The following GRID2 variants were observed in gnomAD, a reference collection of about 807,000 sequenced individuals.
GRID2 encodes the protein glutamate receptor ionotropic, delta-2.
In GRID2, 33 loss-of-function variants were observed where a neutral mutation model predicts 114.8. The ratio of observed to expected loss-of-function variants is 0.29; its 90% CI spans 0.22 to 0.38. The LOEUF is 0.38. Among genes scored for constraint, GRID2 ranks in the 10% least tolerant of loss-of-function variants. The pLI is 1.00. For missense variants in GRID2, 1,184 were observed against 1,257.7 expected (o/e 0.94, Z 0.89); for synonymous variants, 505 against 449.9 (o/e 1.12, Z -1.55).
At chr4:93,608,452 C>A (rs947872028) in intron 13 of GRID2, among the ~76,000 whole-genome samples, 6 of 143,416 alleles carry the variant, frequency 4.2e-5, no homozygotes, top group Non-Finnish European at 7.7e-5. Flanking sequence ...CCAATGCTAT[C>A]CCTCCTCCCT....
At chr4:92,988,459 G>A (rs191520761) in intron 2 of GRID2, among the ~76,000 whole-genome samples, 1 of 152,254 alleles carries the variant, frequency 6.6e-6, no homozygotes, top group Non-Finnish European at 1.5e-5. Flanking sequence ...GACTCTTCTT[G>A]TAATCTAATC....
intron 9 of GRID2, among the ~76,000 whole-genome samples, chr4:93,417,456 CATTA>C (rs1218360651): frequency 1.3e-5 from 2 of 151,910 alleles, no homozygotes; most frequent in Admixed American, 6.6e-5. Context: ...AAGCATGAAA[CATTA>C]ATTAATAAGT....
At chr4:93,717,601 T>C (rs1203823812) in intron 14 of GRID2, among the ~76,000 whole-genome samples, 1 of 152,196 alleles carries the variant, frequency 6.6e-6, no homozygotes, top group African/African-American at 2.4e-5. Flanking sequence ...ACAGATGTTT[T>C]CTTTTTTGTG....
intron 14 of GRID2, among the ~76,000 whole-genome samples, chr4:93,682,711 C>T (rs1725687239): frequency 1.4e-5 from 2 of 144,952 alleles, no homozygotes; most frequent in Non-Finnish European, 3.0e-5. Flanking sequence ...TGTTCTCACT[C>T]ATAGATGGGA....
At chr4:93,680,230 A>G (rs1725376084) in intron 14 of GRID2, among the ~76,000 whole-genome samples, 1 of 152,192 alleles carries the variant, frequency 6.6e-6, no homozygotes, top group African/African-American at 2.4e-5. Flanking sequence ...TAAACCAGGA[A>G]GAAGTTGAAT....
At chr4:93,584,379 T>C (rs1327759727) in intron 13 of GRID2, among the ~76,000 whole-genome samples, 1 of 152,100 alleles carries the variant, frequency 6.6e-6, no homozygotes, top group Non-Finnish European at 1.5e-5. Flanking sequence ...GTTGACAGAA[T>C]CAGTAAATAC....
intron 2 of GRID2, among the ~76,000 whole-genome samples, chr4:92,629,054 AG>A (rs1322490764): frequency 6.6e-6 from 1 of 151,910 alleles, no homozygotes; most frequent in Admixed American, 6.6e-5. Context: ...TCATAATCCC[AG>A]GGCTCACTAG....
chr4:92,986,530 AC>A (rs1456831062), intron 2 of GRID2, among the ~76,000 whole-genome samples: 1 of 152,086 alleles, frequency 6.6e-6, no homozygotes, highest in East Asian at 1.9e-4. Flanking sequence ...CTTCCTCCCA[AC>A]CCTAGAAAAC....
chr4:92,995,947 G>GTT (rs763018860), intron 2 of GRID2, among the ~76,000 whole-genome samples: 2 of 146,934 alleles, frequency 1.4e-5, no homozygotes, highest in Non-Finnish European at 3.0e-5. Flanking sequence ...ATTTTAAACA[G>GTT]TTTTTTTTTT....
At chr4:93,220,451 A>G (rs2149487672) in intron 6 of GRID2, among the ~76,000 whole-genome samples, 1 of 152,300 alleles carries the variant, frequency 6.6e-6, no homozygotes, top group East Asian at 1.9e-4. Flanking sequence ...AAAGCAAAAT[A>G]AAGCTCAAAA....
chr4:93,209,587 A>G (rs1338365518), intron 5 of GRID2, among the ~76,000 whole-genome samples: 1 of 152,122 alleles, frequency 6.6e-6, no homozygotes, highest in African/African-American at 2.4e-5. Flanking sequence ...TGATAAAACA[A>G]TTTATATTCA....
At chr4:93,379,130 A>T (rs1477592280) in intron 8 of GRID2, among the ~76,000 whole-genome samples, 1 of 152,056 alleles carries the variant, frequency 6.6e-6, no homozygotes, top group East Asian at 1.9e-4. Flanking sequence ...TATGAAAAAG[A>T]ATTGTGTTTT....
intron 2 of GRID2, among the ~76,000 whole-genome samples, chr4:92,899,274 A>T (rs1267186007): frequency 6.6e-6 from 1 of 151,514 alleles, no homozygotes; most frequent in South Asian, 2.1e-4. Flanking sequence ...TTTTCCCTTT[A>T]TTTGCTTGTT....
intron 2 of GRID2, among the ~76,000 whole-genome samples, chr4:92,743,328 G>A (rs1257818539): frequency 1.3e-5 from 2 of 152,098 alleles, no homozygotes; most frequent in African/African-American, 4.8e-5. Flanking sequence ...TCATTTCTCT[G>A]TTGTTATAGG....
At chr4:92,476,265 T>C (rs924851720) in intron 1 of GRID2, among the ~76,000 whole-genome samples, 6 of 152,132 alleles carry the variant, frequency 3.9e-5, no homozygotes, top group Non-Finnish European at 8.8e-5. Flanking sequence ...GACCTTGTGA[T>C]CCGCCCGCCT....
At chr4:92,394,493 G>C (rs775693220) in intron 1 of GRID2, among the ~76,000 whole-genome samples, 2 of 151,842 alleles carry the variant, frequency 1.3e-5, no homozygotes, top group Admixed American at 6.6e-5. Context: ...GCTAGTTTTG[G>C]AGTCTGTTGT....
chr4:93,722,776 A>G (rs1363522383), intron 14 of GRID2, among the ~76,000 whole-genome samples: 2 of 152,198 alleles, frequency 1.3e-5, no homozygotes, highest in Non-Finnish European at 2.9e-5. Flanking sequence ...ATCATACACT[A>G]GTTCCTTATT....
At chr4:92,674,902 T>C (rs960306612) in intron 2 of GRID2, among the ~76,000 whole-genome samples, 7 of 152,218 alleles carry the variant, frequency 4.6e-5, no homozygotes, top group Non-Finnish European at 1.0e-4. Flanking sequence ...CCTATTACTT[T>C]CAAAACCTCT....
At chr4:93,012,898 G>A (rs991149605) in intron 2 of GRID2, among the ~76,000 whole-genome samples, 1 of 151,668 alleles carries the variant, frequency 6.6e-6, no homozygotes, top group Non-Finnish European at 1.5e-5. Context: ...ATATATCTAT[G>A]AATATATATG....
Sources: gnomAD v4.1 joint callset for allele counts (sites outside exome capture counted in the v4.1 genomes callset) on GRCh38, gnomAD v4.1.1 for gene constraint, MANE v1.5 for transcripts, NCBI Gene and HGNC (gene_info 2026-07-23, HGNC 2026-07-21) for gene names.